Variants in COG2 observed in about 807,000 individuals in gnomAD.
The protein encoded by COG2 is conserved oligomeric Golgi complex subunit 2.
COG2 carries 52 observed loss-of-function variants against 90.6 expected under a neutral mutation model. That is an observed-to-expected ratio of 0.57 (90% CI 0.46 to 0.72). The LOEUF is 0.72. COG2 is among the 30% of genes least tolerant of loss of function. COG2 has a pLI of 0.00. For missense variants in COG2, 829 were observed against 891.2 expected, an observed-to-expected ratio of 0.93 and a Z score of 0.89; for synonymous variants, 337 against 320.4, an observed-to-expected ratio of 1.05 and a Z score of -0.55.
chr1:230,685,024 G>C, intron 11 of COG2, 61 bp from the exon 12 acceptor site: 15 of 1,353,780 alleles, frequency 1.1e-5, no homozygotes, highest in Non-Finnish European at 1.5e-5. Context: ...TCTCACATTA[G>C]ACTATAGCCT....
At chr1:230,675,641 TTATTAC>T (rs1479391210) in intron 9 of COG2, among the ~76,000 whole-genome samples, 7 of 152,094 alleles carry the variant, frequency 4.6e-5, no homozygotes, top group Non-Finnish European at 8.8e-5. Context: ...TTTTATTTTA[TTATTAC>T]TATTACTATT....
intron 1 of COG2, among the ~76,000 whole-genome samples, chr1:230,657,518 C>T (rs1450605139): frequency 6.6e-6 from 1 of 152,028 alleles, no homozygotes; most frequent in East Asian, 1.9e-4. Context: ...TCATTTTAGC[C>T]TTGGTGAATC....
At chr1:230,662,063 A>G (rs1662194285) in intron 3 of COG2, among the ~76,000 whole-genome samples, 1 of 151,304 alleles carries the variant, frequency 6.6e-6, no homozygotes, top group South Asian at 2.1e-4. Flanking sequence ...CTCCTCTCCA[A>G]ATTCTCTCCC....
chr1:230,684,029 G>A (rs781137102), intron 11 of COG2, among the ~76,000 whole-genome samples: 33 of 152,100 alleles, frequency 2.2e-4, no homozygotes, highest in Middle Eastern at 6.8e-3. Context: ...GACCTCAAGT[G>A]ATTCACCCCC....
intron 10 of COG2, chr1:230,681,398 A>T (rs1387471404): frequency 6.6e-6 from 1 of 152,224 alleles, no homozygotes; most frequent in East Asian, 1.9e-4. Context: ...AGTAGTATTA[A>T]GGTGCAAGTA....
At chr1:230,675,212 T>C in intron 9 of COG2, 88 bp downstream of exon 9, 2 of 1,418,488 alleles carry the variant, frequency 1.4e-6, no homozygotes, top group Non-Finnish European at 1.9e-6. Context: ...GTCTTGGTTC[T>C]GTGGTTTATT....
chr1:230,668,832 A>G, intron 6 of COG2, 48 bp downstream of exon 6: 1 of 1,162,910 alleles, frequency 8.6e-7, no homozygotes, highest in Non-Finnish European at 1.3e-6. Context: ...GGGACTTGCT[A>G]AATAATTCTG....
At position 230,686,920 on chromosome 1, in the gene COG2, G is replaced by T; in HGVS notation, c.1381-15G>T. The T allele has an allele frequency of 6.7e-7, 1 of 1,496,366 alleles. No individual in the cohort carries two copies. Among genetic ancestry groups the T allele is most frequent in the South Asian group, 1.4e-5 (1 of 70,116 alleles). 92.7% of individuals were successfully genotyped at this position (1,496,366 alleles called of 1,614,324 possible). A position where few individuals can be genotyped will look rare whatever the true frequency, so the allele number is the denominator to read the frequency against. ...GCTAGTGTGAAAGTAGTTAATCAGT[G>T]AAATCCTTTTTCAGCTTTCACTCAG... is the stretch of plus-strand genomic sequence containing the variant. On this transcript the variant is annotated splice_polypyrimidine_tract_variant and intron_variant, in intron 12 of 17. Transcript: ENST00000366669.
intron 1 of COG2, among the ~76,000 whole-genome samples, chr1:230,646,657 C>T (rs1170241985): frequency 2.0e-5 from 3 of 152,006 alleles, no homozygotes; most frequent in East Asian, 3.9e-4. Context: ...CTCTGTGGCA[C>T]CTCAAACTCG....
intron 10 of COG2, chr1:230,682,297 GCTCTCCCAGGTGC>G (rs1662768920): frequency 6.6e-6 from 1 of 152,178 alleles, no homozygotes; most frequent in Non-Finnish European, 1.5e-5. Context: ...GTGCTGGTTT[GCTCTCCCAGGTGC>G]AGAGCAATCC....
Position 230,659,546 on chromosome 1 carries a change from A to G in COG2, c.155A>G (p.Tyr52Cys), listed in dbSNP as rs1662136834. Residue 52 changes from tyrosine (Y) to cysteine (C), a missense_variant, in exon 2 of 18, where the codon TAC becomes TGC. Physicochemically the swap from Tyr to Cys is radical, Grantham distance 194. Coordinates refer to ENST00000366669, the MANE Select transcript of COG2 (RefSeq NM_007357.3). ...LEELRDDLELYYKLLKTAMVE... is the reference protein window; with the variant it reads ...LEELRDDLELCYKLLKTAMVE... ...GAACTGAGAGATGACCTGGAGCTCT[A>G]CTATAAACTTCTTAAAACAGCCATG... 2.5e-6 allele frequency: 4 copies of G among 1,613,928 alleles called. No individual in the cohort carries two copies. The highest frequency in any genetic ancestry group is 1.3e-5 in the African/African-American group (1 of 74,930).
At chr1:230,675,247 G>A in intron 9 of COG2, 123 bp downstream of exon 9, 1 of 1,136,748 alleles carries the variant, frequency 8.8e-7, no homozygotes, top group Non-Finnish European at 1.2e-6. Flanking sequence ...GAGTTGCTAA[G>A]TGAACATTTA....
intron 2 of COG2, 31 bp from the exon 3 acceptor site, chr1:230,660,727 G>T: frequency 2.0e-6 from 3 of 1,511,796 alleles, no homozygotes; most frequent in South Asian, 2.5e-5. Flanking sequence ...TGATTGTGAG[G>T]TGTGTGTGCC....
In COG2 at chr1:230,663,129, T is replaced by TC. The variant is rs750003161; in HGVS notation, c.301-12_301-11insC. The TC allele has an allele frequency of 1.3e-6, 2 of 1,586,286 alleles. No individual in the cohort carries two copies. Among genetic ancestry groups the TC allele is most frequent in the Non-Finnish European group, 1.7e-6 (2 of 1,170,036 alleles). On this transcript the variant is annotated splice_polypyrimidine_tract_variant and intron_variant, in intron 3 of 17. Transcript: ENST00000366669. ...CAATCTCTGCAGTACTTTTTTTTTT[T>TC]GTCTTTTAAAGAGCCTTAGATCGTC...
chr1:230,672,111 G>A (rs1662461669), intron 8 of COG2, among the ~76,000 whole-genome samples: 1 of 151,778 alleles, frequency 6.6e-6, no homozygotes, highest in South Asian at 2.1e-4. Context: ...CATTGCCATT[G>A]TCCCAGTCCA....
intron 1 of COG2, chr1:230,642,967 A>C: frequency 2.4e-6 from 1 of 420,020 alleles, no homozygotes; most frequent in Non-Finnish European, 4.3e-6. Context: ...TCCTGTTACC[A>C]TGCAGTGCAG....
intron 11 of COG2, 83 bp from the exon 12 acceptor site, chr1:230,685,002 G>A (rs779846334): frequency 2.6e-4 from 380 of 1,477,284 alleles, no homozygotes; most frequent in Non-Finnish European, 3.3e-4. Context: ...CCTTTGAATC[G>A]TACATCGGAA....
Position 230,686,924 on chromosome 1 carries a change from T to C in COG2, c.1381-11T>C. The C allele has an allele frequency of 6.7e-6, 10 of 1,498,112 alleles. No homozygotes were observed. The highest frequency in any genetic ancestry group is 9.0e-6 in the Non-Finnish European group (10 of 1,116,138). The allele number at this position is 1,498,112 out of a possible 1,614,324, so 92.8% of individuals were successfully genotyped here. On this transcript the variant is annotated splice_polypyrimidine_tract_variant and intron_variant, in intron 12 of 17. Coordinates refer to ENST00000366669, the MANE Select transcript of COG2 (RefSeq NM_007357.3). ...GTGTGAAAGTAGTTAATCAGTGAAA[T>C]CCTTTTTCAGCTTTCACTCAGGCCC...
chr1:230,679,450 C>T (rs145737971), intron 10 of COG2: 9 of 155,408 alleles, frequency 5.8e-5, no homozygotes, highest in Non-Finnish European at 8.5e-5. Context: ...TGTTTTTGCT[C>T]GTCTGAGATA....
Sources: allele counts gnomAD v4.1 joint callset (sites outside exome capture counted in the v4.1 genomes callset), GRCh38; gene constraint gnomAD v4.1.1; transcripts MANE v1.5; gene names NCBI Gene and HGNC (gene_info 2026-07-23, HGNC 2026-07-21).